Variants in BLVRB observed in about 807,000 individuals in gnomAD.
BLVRB encodes the protein biliverdin reductase B.
A neutral mutation model predicts 21.1 loss-of-function variants in BLVRB; 25 were observed. The observed-to-expected ratio is 1.19, with a 90% CI of 0.86 to 1.66. The LOEUF is 1.66. BLVRB is among the 40% of genes most tolerant of loss of function. BLVRB has a pLI of 0.00. For synonymous variants in BLVRB, 128 were observed against 122.2 expected (o/e 1.05, Z -0.31); for missense variants, 274 against 282.7 (o/e 0.97, Z 0.22).
In BLVRB at chr19:40,458,017, G is replaced by A. The variant is rs745636096; in HGVS notation, c.334+138C>T. 32 of 848,308 alleles carry A rather than the reference G, an allele frequency of 3.8e-5. No homozygotes were observed. In the South Asian group the frequency reaches 4.9e-4, roughly 13 times the overall value. The allele number at this position is 848,308 out of a possible 1,614,324, so 52.5% of individuals were successfully genotyped here. On this transcript the variant is annotated intron_variant, in intron 3 of 4. Transcript: ENST00000263368. ...ACCACTGTGTCCCCAGCATCACCCA[G>A]TAAGGTTCAGGCACACAGCTGGTGT...
chr19:40,458,696 TG>T, intron 1 of BLVRB, 151 bp from the exon 2 acceptor site: 2 of 1,100,192 alleles, frequency 1.8e-6, no homozygotes, highest in African/African-American at 1.6e-5. Flanking sequence ...TTTTTCTTTT[TG>T]TTTGTTTTGT....
intron 3 of BLVRB, among the ~76,000 whole-genome samples, chr19:40,455,755 A>G (rs1305211773): frequency 2.0e-5 from 3 of 152,302 alleles, no homozygotes; most frequent in African/African-American, 7.2e-5. Flanking sequence ...AACAAAATCT[A>G]TTTGTGTATG....
At chr19:40,452,216 T>C (rs2079742991) in intron 3 of BLVRB, among the ~76,000 whole-genome samples, 1 of 152,224 alleles carries the variant, frequency 6.6e-6, no homozygotes, top group Non-Finnish European at 1.5e-5. Flanking sequence ...CCTTGCCTAC[T>C]CTGCCTACCA....
In BLVRB at chr19:40,458,053, C is replaced by G. The variant is rs534685635; in HGVS notation, c.334+102G>C. On this transcript the variant is annotated intron_variant, in intron 3 of 4. Coordinates refer to ENST00000263368, the MANE Select transcript of BLVRB (RefSeq NM_000713.3). ...GCACACAGCTGGTGTTCAGTAAATG[C>G]ACAGTAACATGGAATGGCTTCAGCG... The G allele has an allele frequency of 1.1e-4, 131 of 1,152,170 alleles. No individual in the cohort carries two copies. The East Asian group carries it at 2.8e-3, about 25-fold the overall frequency. The allele number at this position is 1,152,170 out of a possible 1,614,324, so 71.4% of individuals were successfully genotyped here.
chr19:40,448,926 A>G (rs921674243), intron 4 of BLVRB, among the ~76,000 whole-genome samples: 2 of 152,052 alleles, frequency 1.3e-5, no homozygotes, highest in African/African-American at 2.4e-5. Context: ...ATCTCTACAA[A>G]AAATGCAAAA....
chr19:40,458,682 TG>T, intron 1 of BLVRB, 137 bp from the exon 2 acceptor site: 1 of 1,229,452 alleles, frequency 8.1e-7, no homozygotes, highest in Middle Eastern at 2.2e-4. Flanking sequence ...CAAACATTTT[TG>T]GTTTTTTCTT....
intron 1 of BLVRB, among the ~76,000 whole-genome samples, chr19:40,464,112 G>T (rs1044177318): frequency 2.7e-5 from 4 of 149,192 alleles, no homozygotes; most frequent in Admixed American, 2.7e-4. Context: ...GAGAGACAGG[G>T]TCTCACCCTG....
At chr19:40,448,418 C>T (rs1442647508) in intron 4 of BLVRB, among the ~76,000 whole-genome samples, 1 of 151,494 alleles carries the variant, frequency 6.6e-6, no homozygotes, top group Non-Finnish European at 1.5e-5. Context: ...CAGGGAGACC[C>T]TGAGTCCACT....
At chr19:40,459,725 C>T (rs1389573571) in intron 1 of BLVRB, among the ~76,000 whole-genome samples, 1 of 152,142 alleles carries the variant, frequency 6.6e-6, no homozygotes, top group Non-Finnish European at 1.5e-5. Context: ...CGCATGCCAC[C>T]ACATCCAACT....
intron 3 of BLVRB, among the ~76,000 whole-genome samples, chr19:40,454,554 C>CTTTTTT (rs766395951): frequency 6.8e-6 from 1 of 147,208 alleles, no homozygotes; most frequent in Non-Finnish European, 1.5e-5. Flanking sequence ...TTTCTTTTTT[C>CTTTTTT]TTTTTTTTTT....
intron 1 of BLVRB, among the ~76,000 whole-genome samples, chr19:40,465,191 T>G (rs1231328958): frequency 1.3e-5 from 2 of 152,174 alleles, no homozygotes; most frequent in East Asian, 3.9e-4. Flanking sequence ...GGTCTCAGTT[T>G]TCTCATCTGT....
intron 1 of BLVRB, among the ~76,000 whole-genome samples, chr19:40,462,180 G>C (rs1172344898): frequency 1.3e-5 from 2 of 152,046 alleles, no homozygotes; most frequent in Non-Finnish European, 2.9e-5. Flanking sequence ...CAGCCTCCCC[G>C]TGCTATGTGA....
At chr19:40,464,019 A>C (rs2079799805) in intron 1 of BLVRB, among the ~76,000 whole-genome samples, 1 of 151,952 alleles carries the variant, frequency 6.6e-6, no homozygotes, top group Non-Finnish European at 1.5e-5. Flanking sequence ...CACCTGCCTC[A>C]GCCTCCCAAA....
At chr19:40,458,310 G>A in intron 2 of BLVRB, 66 bp from the exon 3 acceptor site, 4 of 1,506,792 alleles carry the variant, frequency 2.7e-6, no homozygotes, top group Non-Finnish European at 3.6e-6. Context: ...GCAGGGGCGG[G>A]GCCGGGGGCG....
chr19:40,452,145 AAAGTCCC>A (rs1249956359), intron 3 of BLVRB, among the ~76,000 whole-genome samples: 2 of 152,094 alleles, frequency 1.3e-5, no homozygotes, highest in African/African-American at 4.8e-5. Context: ...GGGTAGAAGC[AAAGTCCC>A]CATGGCCAGC....
chr19:40,454,576 C>T (rs1479300975), intron 3 of BLVRB, among the ~76,000 whole-genome samples: 4 of 149,834 alleles, frequency 2.7e-5, no homozygotes, highest in African/African-American at 7.4e-5. Context: ...GAGGCAGTCT[C>T]GCTCTGTCAC....
chr19:40,455,370 C>T (rs1253327909), intron 3 of BLVRB, among the ~76,000 whole-genome samples: 1 of 152,152 alleles, frequency 6.6e-6, no homozygotes, highest in Non-Finnish European at 1.5e-5. Context: ...AGTCCTTTTT[C>T]TTGGGACTTG....
chr19:40,448,163 C>G, intron 4 of BLVRB, 117 bp from the exon 5 acceptor site: 1 of 1,116,280 alleles, frequency 9.0e-7, no homozygotes, highest in Non-Finnish European at 1.3e-6. Context: ...TGGGTGGTGT[C>G]ACAGCCAAGA....
At chr19:40,451,241 G>T in intron 4 of BLVRB, 123 bp downstream of exon 4, 2 of 1,403,788 alleles carry the variant, frequency 1.4e-6, no homozygotes, top group Non-Finnish European at 1.9e-6. Flanking sequence ...AAATATATAT[G>T]TCACAATATC....
Sources: allele counts gnomAD v4.1 joint callset (sites outside exome capture counted in the v4.1 genomes callset), GRCh38; gene constraint gnomAD v4.1.1; transcripts MANE v1.5; gene names NCBI Gene and HGNC (gene_info 2026-07-23, HGNC 2026-07-21).